Variants in IGFL2 observed in about 807,000 individuals in gnomAD.
IGFL2 encodes IGF like family member 2.
In IGFL2, 7 loss-of-function variants were observed where a neutral mutation model predicts 13.9. That is an observed-to-expected ratio of 0.51 (90% confidence interval 0.29 to 0.95). The LOEUF (loss-of-function observed/expected upper bound fraction) is 0.95, where lower values mean the gene tolerates loss of function less well. Among genes scored for constraint, IGFL2 ranks in the 40% least tolerant of loss-of-function variants. IGFL2 has a pLI of 0.08. For synonymous variants in IGFL2, 55 were observed against 55.8 expected (o/e 0.99, Z 0.07); for missense variants, 138 against 147.8 (o/e 0.93, Z 0.34).
the IGFL2 span, among the ~76,000 whole-genome samples, chr19:46,112,671 A>G: frequency 1.3e-5 from 2 of 152,356 alleles, no homozygotes; most frequent in Non-Finnish European, 2.9e-5. Flanking sequence ...ATGTTAGAGA[A>G]TAGATTTTCT....
chr19:46,181,322 T>C, the IGFL2 span: 1 of 152,208 alleles, frequency 6.6e-6, no homozygotes, highest in South Asian at 2.1e-4. Flanking sequence ...TGTCCAGAGA[T>C]TGAAGCCACA....
At chr19:46,100,352 A>C in the IGFL2 span, among the ~76,000 whole-genome samples, 1 of 152,198 alleles carries the variant, frequency 6.6e-6, no homozygotes, top group African/African-American at 2.4e-5. Flanking sequence ...AAAGTTAAGG[A>C]TGCACCCGGG....
chr19:46,152,300 A>G (rs1170556973), intron 1 of IGFL2, among the ~76,000 whole-genome samples: 1 of 147,472 alleles, frequency 6.8e-6, no homozygotes, highest in African/African-American at 2.5e-5. Flanking sequence ...TTTTTGAGAC[A>G]GAATCTCACT....
chr19:46,122,150 A>G, the IGFL2 span, among the ~76,000 whole-genome samples: 2 of 151,092 alleles, frequency 1.3e-5, no homozygotes, highest in Non-Finnish European at 2.9e-5. Context: ...AGCCCTCAAA[A>G]TAAAAAGTGT....
chr19:46,177,305 A>C, the IGFL2 span, among the ~76,000 whole-genome samples: 2 of 152,094 alleles, frequency 1.3e-5, no homozygotes, highest in Admixed American at 1.3e-4. Flanking sequence ...AGGTGGGAGG[A>C]TCACTTGAGC....
At chr19:46,187,412 A>T in the IGFL2 span, among the ~76,000 whole-genome samples, 2 of 144,346 alleles carry the variant, frequency 1.4e-5, no homozygotes, top group Admixed American at 6.8e-5. Context: ...GGTGAGCATT[A>T]ACCCATTTAA....
Position 46,160,615 on chromosome 19 carries a change from T to C in IGFL2, c.75T>C (p.Ala25=). The part of the protein sequence containing the change: ...LLLLCPREVI[A]PAGSEPWLCQ... ...AACAATGTCTGTCCATCTGTCCAGC[T>C]CCCGCTGGCTCAGAACCATGGCTGT... The change falls in exon 3 of 4, where the codon GCT becomes GCC. Residue 25 remains alanine (A), a splice_region_variant and synonymous_variant. Transcript: ENST00000377693. 1 of 1,614,086 alleles carries C rather than the reference T, an allele frequency of 6.2e-7. No homozygotes were observed.
chr19:46,163,895 A>G (rs1342488103), downstream of IGFL2: 1 of 152,366 alleles, frequency 6.6e-6, no homozygotes, highest in African/African-American at 2.4e-5. Context: ...TGAAACAGCA[A>G]AAATAGCAGC....
rs113039415 is a variant in IGFL2, at chr19:46,149,262, C to T, written c.19+965C>T. 4.5e-3 allele frequency among the ~76,000 whole-genome samples: 653 copies of T among 145,454 alleles called. 4 individuals carry two copies. The highest frequency in any genetic ancestry group is 6.7e-3 in the Non-Finnish European group (441 of 65,818). On this transcript the variant is annotated intron_variant, in intron 1 of 3. Coordinates refer to ENST00000377693, the MANE Select transcript of IGFL2 (RefSeq NM_001135113.2). ...TCTCTCTCTCTCTCTTTCTCTTTCC[C>T]ACTCACCCCTCACCCTTTCCACCTC...
chr19:46,122,554 G>A, the IGFL2 span, among the ~76,000 whole-genome samples: 2 of 150,940 alleles, frequency 1.3e-5, no homozygotes, highest in African/African-American at 4.9e-5. Context: ...TTTAGAAAAT[G>A]ACAGATTTTT....
At chr19:46,145,598 A>ATGTG (rs765380139), upstream of IGFL2, among the ~76,000 whole-genome samples, 1,901 of 138,372 alleles carry the variant, frequency 0.014, 20 homozygotes, top group East Asian at 0.028. Context: ...ACACTCATAT[A>ATGTG]TATGTGTGTG....
the IGFL2 span, among the ~76,000 whole-genome samples, chr19:46,175,807 C>G: frequency 6.7e-6 from 1 of 149,960 alleles, no homozygotes; most frequent in Admixed American, 6.7e-5. Context: ...TCCCAAAGTG[C>G]TGGGATTACA....
At chr19:46,107,412 G>C in the IGFL2 span, among the ~76,000 whole-genome samples, 1 of 152,228 alleles carries the variant, frequency 6.6e-6, no homozygotes, top group Non-Finnish European at 1.5e-5. Flanking sequence ...TGGACAGTCT[G>C]ATTTCCAGTG....
the IGFL2 span, among the ~76,000 whole-genome samples, chr19:46,080,650 A>G: frequency 6.6e-6 from 1 of 152,224 alleles, no homozygotes; most frequent in Non-Finnish European, 1.5e-5. Context: ...GTGAGTGTCA[A>G]GGGGGTGTGG....
chr19:46,155,016 G>T (rs57022229), intron 1 of IGFL2, among the ~76,000 whole-genome samples: 15 of 152,144 alleles, frequency 9.9e-5, no homozygotes, highest in African/African-American at 3.6e-4. Context: ...TTCCTCTACA[G>T]CTAGAACACT....
At chr19:46,100,188 G>A in the IGFL2 span, among the ~76,000 whole-genome samples, 1 of 152,132 alleles carries the variant, frequency 6.6e-6, no homozygotes. Flanking sequence ...ATTTGGAGGA[G>A]GAGAGGCACT....
At chr19:46,190,352 C>T in the IGFL2 span, 2 of 152,210 alleles carry the variant, frequency 1.3e-5, no homozygotes, top group African/African-American at 4.8e-5. Context: ...GGCTCTGTCT[C>T]CTCCATGTGG....
At chr19:46,182,365 T>TAAAAAAAAAAAAAA in the IGFL2 span, among the ~76,000 whole-genome samples, 3 of 78,692 alleles carry the variant, frequency 3.8e-5, no homozygotes, top group African/African-American at 9.3e-5. Context: ...AGACTTTGCC[T>TAAAAAAAAAAAAAA]AAAAAAAAAA....
the IGFL2 span, among the ~76,000 whole-genome samples, chr19:46,191,458 T>A: frequency 6.6e-6 from 1 of 152,046 alleles, no homozygotes; most frequent in African/African-American, 2.4e-5. Flanking sequence ...TGAAGGAAGG[T>A]GGACAGGACT....
Sources: allele counts gnomAD v4.1 joint callset (sites outside exome capture counted in the v4.1 genomes callset), GRCh38; gene constraint gnomAD v4.1.1; transcripts MANE v1.5; gene names NCBI Gene and HGNC (gene_info 2026-07-23, HGNC 2026-07-21).